The following MXRA5 variants were observed in gnomAD, a reference collection of about 807,000 sequenced individuals.
MXRA5 encodes the protein matrix-remodeling-associated protein 5.
A neutral mutation model predicts 112.5 loss-of-function variants in MXRA5; 41 were observed. The ratio of observed to expected loss-of-function variants is 0.36; its 90% CI spans 0.28 to 0.47. The LOEUF (loss-of-function observed/expected upper bound fraction) is 0.47, where lower values mean the gene tolerates loss of function less well. Ranked by LOEUF, MXRA5 falls within the 20% of genes least tolerant of loss-of-function variation. The pLI, the probability that MXRA5 is intolerant of heterozygous loss-of-function variation, is 0.99. For missense variants in MXRA5, 2,150 were observed against 2,251.0 expected, an observed-to-expected ratio of 0.96 and a Z score of 0.91; for synonymous variants, 862 against 900.8, an observed-to-expected ratio of 0.96 and a Z score of 0.77.
At chrX:3,342,633 G>A (rs1039195599) in intron 2 of MXRA5, among the ~76,000 whole-genome samples, 1 of 111,838 alleles carries the variant, frequency 8.9e-6, no homozygotes, top group African/African-American at 3.3e-5. Flanking sequence ...ATGGGTTAGG[G>A]AAATTATCAT....
At chrX:3,319,025 G>A (rs1175301978) in intron 5 of MXRA5, among the ~76,000 whole-genome samples, 2 of 111,451 alleles carry the variant, frequency 1.8e-5, no homozygotes, top group African/African-American at 3.3e-5. Context: ...CATAGAAGCT[G>A]AAGCAGATAG....
rs201855244 is a variant in MXRA5 at position 3,320,230 on chromosome X, T to A, written c.5455A>T (p.Ile1819Leu). 1,382 of 1,209,063 alleles carry A rather than the reference T, an allele frequency of 1.1e-3. 1 individual carries two copies. Among genetic ancestry groups the A allele is most frequent in the Non-Finnish European group, 1.5e-3 (1,338 of 894,776 alleles). Residue 1819 changes from isoleucine (I) to leucine (L), a missense_variant, in exon 5 of 7, where the codon ATA becomes TTA. Coordinates refer to ENST00000217939, the MANE Select transcript of MXRA5 (RefSeq NM_015419.4). ...CCTGAGGACTGGACAGAAGATGTTA[T>A]AAAGGAGATAGAACTCTGGGTGGAA... is the stretch of plus-strand genomic sequence containing the variant. Reference protein sequence around the residue: ...VSSTQSSISFITSSVQSSGSF... With the variant: ...VSSTQSSISFLTSSVQSSGSF...
chrX:3,310,011 T>C lies in MXRA5; in HGVS notation c.8192A>G (p.Tyr2731Cys). The C allele has an allele frequency of 8.3e-7, 1 of 1,210,907 alleles. No homozygotes were observed. Among genetic ancestry groups the C allele is most frequent in the Non-Finnish European group, 1.1e-6 (1 of 895,245 alleles). Residue 2731 changes from tyrosine (Y) to cysteine (C), a missense_variant, in exon 7 of 7, where the codon TAT becomes TGT. By Grantham distance (194) the Tyr-to-Cys change is radical. This residue lies in a region of MXRA5 where 178 missense variants were observed against 198.2 expected (regional missense o/e 0.90). Coordinates refer to ENST00000217939, the MANE Select transcript of MXRA5 (RefSeq NM_015419.4). ...VTSIPVIVIA[Y>C]PPRITSEPTP... ...GGGCTCGCTGGTGATCCGGGGAGGA[T>C]AGGCGATCACAATCACGGGGATGCT... is the stretch of plus-strand genomic sequence containing the variant.
rs1209735314 is a variant in MXRA5, at chrX:3,317,754, C to A, written c.5927G>T (p.Gly1976Val). The A allele has an allele frequency of 5.8e-6, 7 of 1,207,045 alleles. No homozygotes were observed. The highest frequency in any genetic ancestry group is 3.0e-5 in the East Asian group (1 of 33,684). The change falls in exon 6 of 7, where the codon GGG (glycine) becomes GTG (valine). Residue 1976 changes from glycine to valine, a missense_variant. By Grantham distance (109) the Gly-to-Val change is moderately radical. Around this residue, in one of 6 missense-constraint regions of MXRA5, gnomAD observed 1,485 missense variants for 1,471.6 expected, o/e 1.01. Transcript: ENST00000217939. Reference sequence around the variant, plus strand: ...CCAGGAAATTTGGGGGGCTGGGGTCCCTTTGGCCAGACACTCCATTGCAAT... The same window carrying A: ...CCAGGAAATTTGGGGGGCTGGGGTCACTTTGGCCAGACACTCCATTGCAAT... ...DTIAMECLAK[G>V]TPAPQISWIF...
intron 5 of MXRA5, among the ~76,000 whole-genome samples, chrX:3,318,646 A>G (rs1344819046): frequency 1.8e-5 from 2 of 112,031 alleles, no homozygotes; most frequent in Non-Finnish European, 1.9e-5. Context: ...TAAAACTAAC[A>G]ATAGAGCTGC....
intron 1 of MXRA5, among the ~76,000 whole-genome samples, chrX:3,345,443 G>C (rs1922084934): frequency 8.8e-6 from 1 of 113,075 alleles, no homozygotes; most frequent in African/African-American, 3.2e-5. Context: ...CGCTGGGCTG[G>C]TTCCAAGGGC....
At chrX:3,341,605 TAA>T (rs1169850075) in intron 2 of MXRA5, among the ~76,000 whole-genome samples, 1 of 22,290 alleles carries the variant, frequency 4.5e-5, no homozygotes, top group Non-Finnish European at 9.8e-5. Flanking sequence ...TTATTATATA[TAA>T]TATATATAAT....
In MXRA5 at chrX:3,323,735, T is replaced by C. The variant is rs1371987480; in HGVS notation, c.1950A>G (p.Arg650=). ...CCCCTTGCTGGTTGACAGCCACACATCTGTAGTAACCACTGTCACTGACTT... is the reference window on the plus strand; with the variant it reads ...CCCCTTGCTGGTTGACAGCCACACACCTGTAGTAACCACTGTCACTGACTT... ...KVQVSDSGYY[R]CVAVNQQGAD... Residue 650 remains arginine (R), a synonymous_variant, in exon 5 of 7, where the codon AGA becomes AGG. Coordinates refer to ENST00000217939, the MANE Select transcript of MXRA5 (RefSeq NM_015419.4). 4.1e-6 allele frequency: 5 copies of C among 1,211,763 alleles called. No individual in the cohort carries two copies. The highest frequency in any genetic ancestry group is 5.6e-6 in the Non-Finnish European group (5 of 895,395).
intron 5 of MXRA5, 96 bp from the exon 6 acceptor site, chrX:3,318,099 C>T: frequency 1.4e-6 from 1 of 739,390 alleles, no homozygotes; most frequent in Non-Finnish European, 1.9e-6. Flanking sequence ...TCCACTTTAA[C>T]ACCCAGGCAG....
chrX:3,322,695 G>A lies in MXRA5; in HGVS notation c.2990C>T (p.Thr997Ile). 8.3e-7 allele frequency: 1 copy of A among 1,211,478 alleles called. No homozygotes were observed. Among genetic ancestry groups the A allele is most frequent in the Non-Finnish European group, 1.1e-6 (1 of 895,504 alleles). Residue 997 changes from threonine to isoleucine, a missense_variant, in exon 5 of 7, where the codon ACC becomes ATC. By Grantham distance (89) the Thr-to-Ile change is moderately conservative. Coordinates refer to ENST00000217939, the MANE Select transcript of MXRA5 (RefSeq NM_015419.4). ...QPDEDKMKED[T>I]FAHLTPTPTI... The stretch of plus-strand genomic sequence containing the variant: ...GGGGGTTGGAGTAAGGTGTGCAAAG[G>A]TGTCTTCTTTCATCTTATCCTCATC...
rs745852995 is a variant in MXRA5, at chrX:3,320,283, G to A, written c.5402C>T (p.Thr1801Ile). ...HTPQTTGSPS[T>I]NLQNIPMVSS... ...GACCATAGGGATATTCTGTAAGTTA[G>A]TTGAGGGTGATCCCGTGGTCTGCGG... Residue 1801 changes from threonine (T) to isoleucine (I), a missense_variant, in exon 5 of 7, where the codon ACT (threonine) becomes ATT (isoleucine). Physicochemically the swap from Thr to Ile is moderately conservative, Grantham distance 89. Transcript: ENST00000217939. 3.3e-6 allele frequency: 4 copies of A among 1,211,698 alleles called. No homozygotes were observed. The highest frequency in any genetic ancestry group is 3.5e-5 in the South Asian group (2 of 56,927).
chrX:3,341,399 A>T (rs1233384921), intron 2 of MXRA5, among the ~76,000 whole-genome samples: 1 of 23,198 alleles, frequency 4.3e-5, no homozygotes, highest in Non-Finnish European at 5.7e-5. Flanking sequence ...AATATATATA[A>T]TATATATTAT....
chrX:3,338,438 A>G (rs1298432693), intron 2 of MXRA5, among the ~76,000 whole-genome samples: 1 of 111,470 alleles, frequency 9.0e-6, no homozygotes, highest in African/African-American at 3.3e-5. Context: ...ATAGATAGGT[A>G]CATAGATAGA....
chrX:3,320,028 G>A lies in MXRA5; in HGVS notation c.5657C>T (p.Thr1886Ile), dbSNP rs143725042. 8.5e-4 allele frequency: 1,019 copies of A among 1,196,379 alleles called. No individual in the cohort carries two copies. Among genetic ancestry groups the A allele is most frequent in the Middle Eastern group, 2.8e-3 (12 of 4,289 alleles). Residue 1886 changes from threonine (T) to isoleucine (I), a missense_variant, in exon 5 of 7, where the codon ACT becomes ATT. Transcript: ENST00000217939. ...CTTACCTGTGGAAACCTTTGTCCAA[G>A]TAACGAAAGGCTTTGGTTTTCCTGT... ...EATGKPKPFV[T>I]WTKVSTGALM...
rs1483650209 is a variant in MXRA5 at position 3,311,216 on chromosome X, C to T, written c.6987G>A (p.Gln2329=). ...EGDYTCFAEN[Q]VGKDEMRVRV... is the part of the protein sequence containing the mutation. ...TGACTCTCATCTCGTCCTTCCCGAC[C>T]TGATTTTCAGCAAAGCAGGTGTAGT... is the stretch of plus-strand genomic sequence containing the variant. Residue 2329 remains glutamine (Q), a synonymous_variant, in exon 7 of 7, where the codon CAG becomes CAA. Coordinates refer to ENST00000217939, the MANE Select transcript of MXRA5 (RefSeq NM_015419.4). 8.3e-7 allele frequency: 1 copy of T among 1,210,124 alleles called. No individual in the cohort carries two copies. Among genetic ancestry groups the T allele is most frequent in the Non-Finnish European group, 1.1e-6 (1 of 895,355 alleles).
At chrX:3,328,180 C>T (rs770395426) in intron 4 of MXRA5, among the ~76,000 whole-genome samples, 145 of 112,221 alleles carry the variant, frequency 1.3e-3, no homozygotes, top group Non-Finnish European at 2.0e-3. Flanking sequence ...TCTGTCTTTC[C>T]CACATCCATT....
chrX:3,322,703 T>C lies in MXRA5; in HGVS notation c.2982A>G (p.Lys994=). ...GAGTAAGGTGTGCAAAGGTGTCTTC[T>C]TTCATCTTATCCTCATCTGGTTGTG... is the stretch of plus-strand genomic sequence containing the variant. ...TKSQPDEDKM[K]EDTFAHLTPT... The change falls in exon 5 of 7, where the codon AAA becomes AAG. Residue 994 remains lysine (K), a synonymous_variant. Coordinates refer to ENST00000217939, the MANE Select transcript of MXRA5 (RefSeq NM_015419.4). The C allele has an allele frequency of 1.7e-6, 2 of 1,211,565 alleles. No individual in the cohort carries two copies. Among genetic ancestry groups the C allele is most frequent in the Non-Finnish European group, 2.2e-6 (2 of 895,522 alleles).
At chrX:3,318,025 A>C in intron 5 of MXRA5, 22 bp from the exon 6 acceptor site, 1 of 1,156,937 alleles carries the variant, frequency 8.6e-7, no homozygotes, top group South Asian at 2.0e-5. Context: ...TAACACAGTC[A>C]GCTTTGGCAT....
intron 6 of MXRA5, among the ~76,000 whole-genome samples, chrX:3,316,554 G>C (rs1921140397): frequency 0.057 from 2 of 35 alleles, no homozygotes; most frequent in Admixed American, 0.5. Context: ...TGTAGTCCCA[G>C]CTACTTCAGG....
Sources: gnomAD v4.1 joint callset for allele counts (sites outside exome capture counted in the v4.1 genomes callset) on GRCh38, gnomAD v4.1.1 for gene constraint, gnomAD v4.1.1 regional missense constraint, MANE v1.5 for transcripts, NCBI Gene and HGNC (gene_info 2026-07-23, HGNC 2026-07-21) for gene names.